The following CTNNA3 variants were observed in gnomAD, a reference collection of about 807,000 sequenced individuals.
CTNNA3 encodes the protein catenin alpha 3.
A neutral mutation model predicts 95.7 loss-of-function variants in CTNNA3; 76 were observed. That is an observed-to-expected ratio of 0.79 (90% CI 0.66 to 0.96). CTNNA3 has a LOEUF of 0.96. CTNNA3 is among the 40% of genes least tolerant of loss of function. CTNNA3 has a pLI of 0.00. For missense variants in CTNNA3, 1,191 were observed against 1,089.8 expected, an observed-to-expected ratio of 1.09 and a Z score of -1.31; for synonymous variants, 431 against 374.4, an observed-to-expected ratio of 1.15 and a Z score of -1.74.
intron 13 of CTNNA3, among the ~76,000 whole-genome samples, chr10:66,228,320 C>T (rs1226701913): frequency 1.3e-5 from 2 of 151,890 alleles, no homozygotes; most frequent in Non-Finnish European, 2.9e-5. Context: ...TTCTATATTA[C>T]TACTGCTTTT....
intron 7 of CTNNA3, among the ~76,000 whole-genome samples, chr10:67,140,944 A>G (rs1465702714): frequency 6.6e-6 from 1 of 152,218 alleles, no homozygotes; most frequent in Non-Finnish European, 1.5e-5. Flanking sequence ...ATATGCCAAG[A>G]AAGACATAAA....
At chr10:66,284,913 A>G (rs540300155) in intron 12 of CTNNA3, among the ~76,000 whole-genome samples, 3 of 151,946 alleles carry the variant, frequency 2.0e-5, no homozygotes, top group East Asian at 1.9e-4. Flanking sequence ...TTCTACAAAT[A>G]CCACTTTATA....
intron 11 of CTNNA3, among the ~76,000 whole-genome samples, chr10:66,413,189 C>T (rs2093121753): frequency 6.6e-6 from 1 of 152,138 alleles, no homozygotes; most frequent in Admixed American, 6.5e-5. Context: ...GCCTACATTA[C>T]AAACCTCTAC....
intron 1 of CTNNA3, among the ~76,000 whole-genome samples, chr10:67,673,215 C>A (rs1475395311): frequency 6.7e-6 from 1 of 149,730 alleles, no homozygotes; most frequent in African/African-American, 2.5e-5. Context: ...GATTTTGTAT[C>A]CTGAGACTTT....
chr10:66,826,896 A>AT (rs1245114839), intron 7 of CTNNA3, among the ~76,000 whole-genome samples: 1 of 152,166 alleles, frequency 6.6e-6, no homozygotes, highest in African/African-American at 2.4e-5. Flanking sequence ...CCACTTTCCA[A>AT]TTACTGTCCC....
intron 13 of CTNNA3, among the ~76,000 whole-genome samples, chr10:66,177,568 A>T (rs868652346): frequency 1.3e-5 from 2 of 152,024 alleles, no homozygotes; most frequent in African/African-American, 2.4e-5. Context: ...ATGATTTTTT[A>T]AAAATGAGCT....
intron 10 of CTNNA3, among the ~76,000 whole-genome samples, chr10:66,547,836 CAT>C (rs536199265): frequency 4.9e-4 from 75 of 152,018 alleles, no homozygotes; most frequent in African/African-American, 1.3e-3. Context: ...GGTCTTCACA[CAT>C]GTTTCTTTCA....
intron 12 of CTNNA3, among the ~76,000 whole-genome samples, chr10:66,356,767 A>C (rs2092614222): frequency 6.6e-6 from 1 of 152,018 alleles, no homozygotes; most frequent in South Asian, 2.1e-4. Context: ...CTTTTATCAA[A>C]TTAGGAAAGT....
chr10:67,520,960 G>A (rs1391132844), intron 5 of CTNNA3, among the ~76,000 whole-genome samples: 3 of 152,264 alleles, frequency 2.0e-5, no homozygotes, highest in African/African-American at 7.2e-5. Flanking sequence ...TCAAGTGATC[G>A]ACTCGAGGCC....
At chr10:67,604,654 G>A (rs1420465303) in intron 3 of CTNNA3, among the ~76,000 whole-genome samples, 3 of 152,024 alleles carry the variant, frequency 2.0e-5, no homozygotes, top group Non-Finnish European at 4.4e-5. Context: ...CCCCCATGAC[G>A]CCAATATGAC....
chr10:66,454,514 CAG>C (rs1327521614), intron 11 of CTNNA3, among the ~76,000 whole-genome samples: 1 of 151,986 alleles, frequency 6.6e-6, no homozygotes, highest in Non-Finnish European at 1.5e-5. Flanking sequence ...TTTAAAGACA[CAG>C]ATTACCAAAA....
intron 7 of CTNNA3, among the ~76,000 whole-genome samples, chr10:66,922,300 TG>T (rs567920503): frequency 2.7e-4 from 41 of 152,330 alleles, no homozygotes; most frequent in African/African-American, 9.1e-4. Flanking sequence ...TTGCTTCTGC[TG>T]AAAGGCAAAT....
intron 11 of CTNNA3, among the ~76,000 whole-genome samples, chr10:66,394,650 C>A (rs551831364): frequency 6.6e-6 from 1 of 151,874 alleles, no homozygotes; most frequent in East Asian, 1.9e-4. Flanking sequence ...AGCAATTCTC[C>A]CATATTATGC....
intron 5 of CTNNA3, among the ~76,000 whole-genome samples, chr10:67,508,052 C>T (rs10997682): frequency 0.057 from 8,743 of 152,148 alleles, 269 homozygotes; most frequent in South Asian, 0.14. Flanking sequence ...CTTGCTCTAT[C>T]ACCCAGGCTG....
At chr10:66,686,579 A>T (rs76303763) in intron 9 of CTNNA3, among the ~76,000 whole-genome samples, 2 of 152,182 alleles carry the variant, frequency 1.3e-5, no homozygotes, top group African/African-American at 4.8e-5. Context: ...GTTTGCTTTG[A>T]TCAGGCTATA....
Position 66,545,035 on chromosome 10 carries a change from A to G in CTNNA3, c.1375-24262T>C, listed in dbSNP as rs567397832. ...CTCTCTCACAGTGACTTAACAAAAT[A>G]CACTTATGTATGAATCTTAAATATG... On this transcript the variant is annotated intron_variant, in intron 10 of 17. Coordinates refer to ENST00000433211, the MANE Select transcript of CTNNA3 (RefSeq NM_013266.4). Among the ~76,000 whole-genome samples the G allele has an allele frequency of 3.3e-5, 5 of 152,194 alleles. No homozygotes were observed. In the South Asian group the frequency reaches 1.0e-3, roughly 32 times the overall value.
intron 5 of CTNNA3, among the ~76,000 whole-genome samples, chr10:67,235,864 T>A (rs191638267): frequency 0.16 from 19,699 of 122,022 alleles, 4,861 homozygotes; most frequent in African/African-American, 0.48. Flanking sequence ...ATGAACAGAC[T>A]CTTCTCAAAA....
At chr10:66,791,740 GAATT>G (rs774477816) in intron 7 of CTNNA3, among the ~76,000 whole-genome samples, 1 of 151,860 alleles carries the variant, frequency 6.6e-6, no homozygotes, top group Non-Finnish European at 1.5e-5. Flanking sequence ...ATCAGTTAGT[GAATT>G]AATTACTTGT....
At chr10:67,274,660 T>G (rs1015077876) in intron 5 of CTNNA3, among the ~76,000 whole-genome samples, 1 of 151,978 alleles carries the variant, frequency 6.6e-6, no homozygotes, top group African/African-American at 2.4e-5. Context: ...AAACTCCATT[T>G]CTACAAAAAT....
Sources: gnomAD v4.1 joint callset for allele counts (sites outside exome capture counted in the v4.1 genomes callset) on GRCh38, gnomAD v4.1.1 for gene constraint, MANE v1.5 for transcripts, NCBI Gene and HGNC (gene_info 2026-07-23, HGNC 2026-07-21) for gene names.